Variants in BCL2 observed in about 807,000 individuals in gnomAD.
The protein encoded by BCL2 is BCL2 apoptosis regulator.
A neutral mutation model predicts 14.2 loss-of-function variants in BCL2; 1 was observed. That is an observed-to-expected ratio of 0.07 (90% CI 0.02 to 0.33). The LOEUF (loss-of-function observed/expected upper bound fraction) is 0.33, where lower values mean the gene tolerates loss of function less well. BCL2 is among the 10% of genes least tolerant of loss of function. The pLI, the probability that BCL2 is intolerant of heterozygous loss-of-function variation, is 0.99. For missense variants in BCL2, 247 were observed against 305.9 expected (o/e 0.81, Z 1.44); for synonymous variants, 151 against 137.2 (o/e 1.10, Z -0.70).
At chr18:63,180,520 A>G (rs1233153268) in intron 2 of BCL2, among the ~76,000 whole-genome samples, 1 of 26,934 alleles carries the variant, frequency 3.7e-5, no homozygotes, top group African/African-American at 1.4e-4. Context: ...ACCCCACCCC[A>G]GACCGCCCAT....
At position 63,224,274 on chromosome 18, in the gene BCL2, G is replaced by A. The variant is rs886607110; in HGVS notation, c.585+93808C>T. 2.0e-5 allele frequency among the ~76,000 whole-genome samples: 3 copies of A among 152,326 alleles called. No individual in the cohort carries two copies. In the South Asian group the frequency reaches 6.2e-4, roughly 32 times the overall value. Reference sequence around the variant, plus strand: ...CTGGAAAGAAAGAGCAGCTTACAGAGAGAACACAGTCTTGACAGATTGAAA... The same window carrying A: ...CTGGAAAGAAAGAGCAGCTTACAGAAAGAACACAGTCTTGACAGATTGAAA... On this transcript the variant is annotated intron_variant, in intron 2 of 2. Coordinates refer to ENST00000333681, the MANE Select transcript of BCL2 (RefSeq NM_000633.3).
intron 2 of BCL2, among the ~76,000 whole-genome samples, chr18:63,208,476 G>T (rs1201172714): frequency 1.3e-5 from 2 of 152,136 alleles, no homozygotes; most frequent in African/African-American, 2.4e-5. Flanking sequence ...GCTAAAACAG[G>T]CACCACACAA....
At chr18:63,236,292 C>T (rs1910827071) in intron 2 of BCL2, among the ~76,000 whole-genome samples, 1 of 152,158 alleles carries the variant, frequency 6.6e-6, no homozygotes, top group African/African-American at 2.4e-5. Flanking sequence ...AGTATGAAAA[C>T]AGACTAATAC....
chr18:63,182,962 G>A (rs1484243801), intron 2 of BCL2, among the ~76,000 whole-genome samples: 1 of 152,214 alleles, frequency 6.6e-6, no homozygotes, highest in Non-Finnish European at 1.5e-5. Flanking sequence ...GAAGGGTTCT[G>A]CAAACTGTTG....
At chr18:63,187,070 T>C (rs1255763158) in intron 2 of BCL2, among the ~76,000 whole-genome samples, 1 of 152,230 alleles carries the variant, frequency 6.6e-6, no homozygotes, top group Non-Finnish European at 1.5e-5. Context: ...AACAGTCCCT[T>C]TTAAGAACAG....
intron 2 of BCL2, among the ~76,000 whole-genome samples, chr18:63,241,649 A>G (rs1224062547): frequency 6.6e-6 from 1 of 152,244 alleles, no homozygotes; most frequent in Non-Finnish European, 1.5e-5. Flanking sequence ...TTATTAATGC[A>G]GAAGATACTC....
intron 2 of BCL2, among the ~76,000 whole-genome samples, chr18:63,260,297 G>A (rs980978499): frequency 6.6e-6 from 1 of 152,146 alleles, no homozygotes; most frequent in Non-Finnish European, 1.5e-5. Flanking sequence ...TGTATCATTT[G>A]AAAACGGAGG....
rs372656109 is a variant in BCL2, at chr18:63,137,702, T to C, written c.586-8943A>G. 1.9e-4 allele frequency among the ~76,000 whole-genome samples: 29 copies of C among 152,338 alleles called. No homozygotes were observed. The South Asian group carries it at 5.8e-3, about 30-fold the overall frequency. ...TATTATCACCCCCACTCACAGGTGC[T>C]TGATTCTCCAAGAAAGGGAGTAGCA... is the stretch of plus-strand genomic sequence containing the variant. On this transcript the variant is annotated intron_variant, in intron 2 of 2. Coordinates refer to ENST00000333681, the MANE Select transcript of BCL2 (RefSeq NM_000633.3).
At position 63,128,464 on chromosome 18, in the gene BCL2, T is replaced by C; in HGVS notation, c.*161A>G. 2.4e-6 allele frequency: 1 copy of C among 421,422 alleles called. No individual in the cohort carries two copies. Among genetic ancestry groups the C allele is most frequent in the Non-Finnish European group, 4.4e-6 (1 of 229,074 alleles). The allele number at this position is 421,422 out of a possible 1,614,324, so 26.1% of individuals were successfully genotyped here. A position where few individuals can be genotyped will look rare whatever the true frequency, so the allele number is the denominator to read the frequency against. ...GTTTTGCCTGAAGACTGTTAATTGT[T>C]GTGTGTGTGTGTGTCTGTCTGTGTG... On this transcript the variant is annotated 3_prime_UTR_variant, in exon 3 of 3. Transcript: ENST00000333681.
chr18:63,300,881 A>C (rs1175323265), intron 2 of BCL2, among the ~76,000 whole-genome samples: 1 of 152,188 alleles, frequency 6.6e-6, no homozygotes, highest in African/African-American at 2.4e-5. Context: ...TCTTTGAATA[A>C]TTTACAGGCC....
At chr18:63,270,823 G>T (rs1313489842) in intron 2 of BCL2, among the ~76,000 whole-genome samples, 1 of 148,056 alleles carries the variant, frequency 6.8e-6, no homozygotes, top group Admixed American at 6.7e-5. Context: ...AGAACTTGAA[G>T]AATTTTTTTT....
intron 2 of BCL2, among the ~76,000 whole-genome samples, chr18:63,263,708 C>T (rs970563386): frequency 1.3e-5 from 2 of 152,206 alleles, no homozygotes; most frequent in Non-Finnish European, 2.9e-5. Flanking sequence ...GCTGGGAAAC[C>T]AGGTCCCCTG....
chr18:63,260,806 G>T, intron 2 of BCL2, among the ~76,000 whole-genome samples: 1 of 151,582 alleles, frequency 6.6e-6, no homozygotes, highest in East Asian at 1.9e-4. Flanking sequence ...TCAAAAAGAA[G>T]AAATAAAATG....
At chr18:63,155,714 G>A (rs530039587) in intron 2 of BCL2, among the ~76,000 whole-genome samples, 1 of 152,312 alleles carries the variant, frequency 6.6e-6, no homozygotes, top group South Asian at 2.1e-4. Context: ...GTGGTGGAGC[G>A]GGGAAGAGAG....
At chr18:63,244,171 A>C (rs1911090766) in intron 2 of BCL2, among the ~76,000 whole-genome samples, 1 of 152,152 alleles carries the variant, frequency 6.6e-6, no homozygotes. Flanking sequence ...TGAGGTCAGG[A>C]ATTCAAGACT....
At chr18:63,191,193 T>C (rs1231890048) in intron 2 of BCL2, among the ~76,000 whole-genome samples, 1 of 152,234 alleles carries the variant, frequency 6.6e-6, no homozygotes, top group Non-Finnish European at 1.5e-5. Flanking sequence ...AACAGAATGA[T>C]TTATATTCCT....
chr18:63,273,909 T>C (rs1912074723), intron 2 of BCL2, among the ~76,000 whole-genome samples: 1 of 152,110 alleles, frequency 6.6e-6, no homozygotes, highest in Admixed American at 6.5e-5. Context: ...AATAGACAAA[T>C]GAAATAAGAC....
chr18:63,294,134 C>T (rs1389278559), intron 2 of BCL2, among the ~76,000 whole-genome samples: 1 of 152,122 alleles, frequency 6.6e-6, no homozygotes. Flanking sequence ...ACCAAACCTT[C>T]TGCCACAGTG....
chr18:63,178,225 G>A (rs894010891), intron 2 of BCL2, among the ~76,000 whole-genome samples: 1 of 152,162 alleles, frequency 6.6e-6, no homozygotes, highest in African/African-American at 2.4e-5. Flanking sequence ...CCAACCTCGG[G>A]AGATCACCCA....
Sources: gnomAD v4.1 joint callset for allele counts (sites outside exome capture counted in the v4.1 genomes callset) on GRCh38, gnomAD v4.1.1 for gene constraint, MANE v1.5 for transcripts, NCBI Gene and HGNC (gene_info 2026-07-23, HGNC 2026-07-21) for gene names.